Variants in TEAD1 observed in about 807,000 individuals in gnomAD.
TEAD1 encodes the protein transcriptional enhancer factor TEF-1.
TEAD1 carries 9 observed loss-of-function variants against 54.9 expected under a neutral mutation model. The ratio of observed to expected loss-of-function variants is 0.16; its 90% CI spans 0.10 to 0.29. TEAD1 has a LOEUF of 0.29. Among genes scored for constraint, TEAD1 ranks in the 10% least tolerant of loss-of-function variants. The pLI is 1.00. For missense variants in TEAD1, 387 were observed against 535.9 expected (o/e 0.72, Z 2.74); for synonymous variants, 200 against 187.8 (o/e 1.07, Z -0.53).
At chr11:12,724,013 G>A (rs1233873787) in intron 2 of TEAD1, among the ~76,000 whole-genome samples, 3 of 152,198 alleles carry the variant, frequency 2.0e-5, no homozygotes, top group Non-Finnish European at 4.4e-5. Context: ...GAACTGGTTT[G>A]TTTATTTGCC....
intron 3 of TEAD1, among the ~76,000 whole-genome samples, chr11:12,774,452 A>C (rs1314490767): frequency 1.3e-5 from 2 of 152,212 alleles, no homozygotes; most frequent in Non-Finnish European, 2.9e-5. Flanking sequence ...AAAGATGTTG[A>C]TAGAGTGTAA....
rs1022093282 is a variant in TEAD1 at position 12,824,668 on chromosome 11, C to G, written c.203-37582C>G. 3.2e-4 allele frequency among the ~76,000 whole-genome samples: 48 copies of G among 152,172 alleles called. 2 individuals carry two copies. Among genetic ancestry groups the G allele is most frequent in the Admixed American group, 3.1e-3 (48 of 15,282 alleles). ...CTTCCAGGCCATTACCAGTTTACTCCTAGCTGGGTGATGGGGGTGAGGGTT... is the reference window on the plus strand; with the variant it reads ...CTTCCAGGCCATTACCAGTTTACTCGTAGCTGGGTGATGGGGGTGAGGGTT... On this transcript the variant is annotated intron_variant, in intron 3 of 12. Coordinates refer to ENST00000527636, the MANE Select transcript of TEAD1 (RefSeq NM_021961.6).
At chr11:12,891,757 T>G (rs751380577) in intron 9 of TEAD1, among the ~76,000 whole-genome samples, 1 of 152,206 alleles carries the variant, frequency 6.6e-6, no homozygotes, top group African/African-American at 2.4e-5. Context: ...TCACAGTGTA[T>G]GAGAAAATGA....
chr11:12,760,081 T>G (rs750943486), intron 2 of TEAD1, among the ~76,000 whole-genome samples: 17 of 152,176 alleles, frequency 1.1e-4, no homozygotes, highest in Non-Finnish European at 1.8e-4. Flanking sequence ...GAAGAAGAGG[T>G]CCTTTGTAAA....
chr11:12,923,111 G>A lies in TEAD1; in HGVS notation c.874-1801G>A, dbSNP rs377738157. On this transcript the variant is annotated intron_variant, in intron 10 of 12. Transcript: ENST00000527636. Reference sequence around the variant, plus strand: ...TACATACTTTCTGCTCTCTTCCGGAGTCTTCTCCGAGCCATGGTCAGAGGT... The same window carrying A: ...TACATACTTTCTGCTCTCTTCCGGAATCTTCTCCGAGCCATGGTCAGAGGT... Among the ~76,000 whole-genome samples the A allele has an allele frequency of 3.9e-5, 6 of 152,066 alleles. No individual in the cohort carries two copies. The East Asian group carries it at 1.2e-3, about 29-fold the overall frequency.
chr11:12,750,947 G>A (rs770152837), intron 2 of TEAD1, among the ~76,000 whole-genome samples: 2 of 152,084 alleles, frequency 1.3e-5, no homozygotes, highest in African/African-American at 2.4e-5. Flanking sequence ...ATTATTTCCG[G>A]CAACCATTCA....
intron 2 of TEAD1, among the ~76,000 whole-genome samples, chr11:12,724,544 A>G (rs979564689): frequency 6.6e-6 from 1 of 152,230 alleles, no homozygotes. Context: ...CATCCTCTGA[A>G]TGCGAGTGCT....
intron 3 of TEAD1, among the ~76,000 whole-genome samples, chr11:12,834,763 C>CT (rs61145299): frequency 0.11 from 11,280 of 104,562 alleles, 553 homozygotes; most frequent in Admixed American, 0.15. Flanking sequence ...TGTGCCCACT[C>CT]TTTTTTTTTT....
At chr11:12,805,043 T>TA (rs1256057304) in intron 3 of TEAD1, among the ~76,000 whole-genome samples, 1 of 152,218 alleles carries the variant, frequency 6.6e-6, no homozygotes, top group Non-Finnish European at 1.5e-5. Context: ...ATAAAAAAGA[T>TA]ATTCTTCACA....
chr11:12,937,132 A>G lies in TEAD1; in HGVS notation c.1191A>G (p.Gln397=), dbSNP rs1707089438. 6.2e-7 allele frequency: 1 copy of G among 1,613,956 alleles called. No homozygotes were observed. The highest frequency in any genetic ancestry group is 8.5e-7 in the Non-Finnish European group (1 of 1,179,932). Residue 397 remains glutamine (Q), a synonymous_variant, in exon 13 of 13, where the codon CAA becomes CAG. Coordinates refer to ENST00000527636, the MANE Select transcript of TEAD1 (RefSeq NM_021961.6). Reference sequence around the variant, plus strand: ...AGGTGGTAACAAACAGGGATACACAAGAAACTCTACTCTGCATGGCCTGTG... The same window carrying G: ...AGGTGGTAACAAACAGGGATACACAGGAAACTCTACTCTGCATGGCCTGTG...
In TEAD1 at chr11:12,944,328, A is replaced by G. The variant is rs1949188292; in HGVS notation, c.*7106A>G. 6.6e-6 allele frequency: 1 copy of G among 152,576 alleles called. No homozygotes were observed. The highest frequency in any genetic ancestry group is 6.5e-5 in the Admixed American group (1 of 15,270). The allele number at this position is 152,576 out of a possible 1,614,324, so 9.5% of individuals were successfully genotyped here. A position where few individuals can be genotyped will look rare whatever the true frequency, so the allele number is the denominator to read the frequency against. Reference sequence around the variant, plus strand: ...TGATTAAACCTCTTGGCAGTACAGTATTCTTGTATTTGTTAACGTCTGTGT... The same window carrying G: ...TGATTAAACCTCTTGGCAGTACAGTGTTCTTGTATTTGTTAACGTCTGTGT... On this transcript the variant is annotated 3_prime_UTR_variant, in exon 13 of 13. Coordinates refer to ENST00000527636, the MANE Select transcript of TEAD1 (RefSeq NM_021961.6).
chr11:12,736,055 C>T (rs1564922703), intron 2 of TEAD1, among the ~76,000 whole-genome samples: 1 of 152,214 alleles, frequency 6.6e-6, no homozygotes, highest in Non-Finnish European at 1.5e-5. Context: ...TCAAGTGCTT[C>T]ATCACTATGT....
At chr11:12,881,305 G>T (rs1282538816) in intron 7 of TEAD1, among the ~76,000 whole-genome samples, 1 of 152,138 alleles carries the variant, frequency 6.6e-6, no homozygotes, top group African/African-American at 2.4e-5. Flanking sequence ...GAAGCAAGAA[G>T]TGGACCCCTC....
chr11:12,863,052 A>G (rs967819518), intron 4 of TEAD1, among the ~76,000 whole-genome samples: 1 of 152,314 alleles, frequency 6.6e-6, no homozygotes, highest in East Asian at 1.9e-4. Flanking sequence ...TAAAAACCTC[A>G]TGGGTGAGTT....
intron 2 of TEAD1, among the ~76,000 whole-genome samples, chr11:12,732,111 T>C (rs1229585243): frequency 6.6e-6 from 1 of 152,188 alleles, no homozygotes. Context: ...GTGCATGACT[T>C]GACATCTATC....
At chr11:12,823,978 C>CT (rs895218115) in intron 3 of TEAD1, among the ~76,000 whole-genome samples, 8 of 152,042 alleles carry the variant, frequency 5.3e-5, no homozygotes, top group African/African-American at 1.9e-4. Context: ...TTGGGGGAGA[C>CT]TAAGTGATTG....
intron 9 of TEAD1, among the ~76,000 whole-genome samples, chr11:12,890,984 C>G (rs1473864223): frequency 6.6e-6 from 1 of 152,116 alleles, no homozygotes; most frequent in Non-Finnish European, 1.5e-5. Flanking sequence ...AGGCTGGTCT[C>G]AAACTCCTGA....
chr11:12,924,664 A>G (rs1361807234), intron 10 of TEAD1, among the ~76,000 whole-genome samples: 1 of 152,186 alleles, frequency 6.6e-6, no homozygotes, highest in African/African-American at 2.4e-5. Flanking sequence ...TAGTATTCTG[A>G]TACTGAATGC....
At chr11:12,930,454 T>A in intron 12 of TEAD1, 128 bp downstream of exon 12, 2 of 1,138,126 alleles carry the variant, frequency 1.8e-6, no homozygotes, top group Non-Finnish European at 2.6e-6. Flanking sequence ...ATTGGGTTCC[T>A]AGTGGTCAGT....
Sources: gnomAD v4.1 joint callset for allele counts (sites outside exome capture counted in the v4.1 genomes callset) on GRCh38, gnomAD v4.1.1 for gene constraint, MANE v1.5 for transcripts, NCBI Gene and HGNC (gene_info 2026-07-23, HGNC 2026-07-21) for gene names.